Variants in MGLL observed in about 807,000 individuals in gnomAD.
MGLL encodes the protein lysophospholipase homolog.
Under a neutral mutation model 29.1 loss-of-function variants are expected in MGLL, and 7 were observed. The observed-to-expected ratio is 0.24, with a 90% CI of 0.14 to 0.45. MGLL has a LOEUF of 0.45. Among genes scored for constraint, MGLL ranks in the 20% least tolerant of loss-of-function variants. MGLL has a pLI of 0.99. For missense variants in MGLL, 356 were observed against 413.6 expected, an observed-to-expected ratio of 0.86 and a Z score of 1.21; for synonymous variants, 148 against 168.3, an observed-to-expected ratio of 0.88 and a Z score of 0.93.
chr3:127,689,741 T>C lies in MGLL; in HGVS notation c.*2457A>G, dbSNP rs1035947656. ...ATCGAGAAGGAACTCAACGCAAGGC[T>C]TCACAGCTTTCCAAGGACAGGGACC... On this transcript the variant is annotated 3_prime_UTR_variant, in exon 8 of 8. Transcript: ENST00000265052. 1.3e-5 allele frequency: 2 copies of C among 152,252 alleles called. No homozygotes were observed. Among genetic ancestry groups the C allele is most frequent in the Non-Finnish European group, 1.5e-5 (1 of 68,060 alleles). The allele number at this position is 152,252 out of a possible 1,614,324, so 9.4% of individuals were successfully genotyped here.
At chr3:127,715,746 T>C (rs1383259226) in intron 5 of MGLL, 2 of 456,540 alleles carry the variant, frequency 4.4e-6, no homozygotes, top group Non-Finnish European at 8.8e-6. Context: ...CGCACCCAGA[T>C]GGATCACATT....
chr3:127,777,233 TGAAAG>T (rs2077051979), intron 3 of MGLL, among the ~76,000 whole-genome samples: 1 of 151,986 alleles, frequency 6.6e-6, no homozygotes, highest in African/African-American at 2.4e-5. Context: ...ATGGGTGAGA[TGAAAG>T]GAAATCCTGT....
chr3:127,721,507 G>GTT (rs55892315), intron 4 of MGLL, among the ~76,000 whole-genome samples: 6,232 of 94,712 alleles, frequency 0.066, 215 homozygotes, highest in East Asian at 0.22. Context: ...TAATAGGAGG[G>GTT]TTTTTTTTTT....
chr3:127,726,194 G>GGA (rs2076040088), intron 3 of MGLL, among the ~76,000 whole-genome samples: 2 of 75,024 alleles, frequency 2.7e-5, no homozygotes, highest in African/African-American at 4.3e-5. Context: ...GAAAAGAAAA[G>GGA]AAAGAAAGAA....
chr3:127,822,505 G>T lies in MGLL; in HGVS notation c.-187C>A. The T allele has an allele frequency of 1.6e-6, 1 of 635,448 alleles. No individual in the cohort carries two copies. The highest frequency in any genetic ancestry group is 2.8e-6 in the Non-Finnish European group (1 of 357,156). The allele number at this position is 635,448 out of a possible 1,614,324, so 39.4% of individuals were successfully genotyped here. ...GGGAGCCTGCTTCCAGCTCCCACCG[G>T]CAGGCTCTCCGGGGCTCCCCTCCCT... On this transcript the variant is annotated 5_prime_UTR_variant, in exon 1 of 8. Transcript: ENST00000265052.
intron 2 of MGLL, among the ~76,000 whole-genome samples, chr3:127,801,917 T>C (rs1043561577): frequency 6.6e-6 from 1 of 151,950 alleles, no homozygotes; most frequent in Admixed American, 6.6e-5. Context: ...GAAGAACCCA[T>C]GCTTGTCACC....
intron 2 of MGLL, among the ~76,000 whole-genome samples, chr3:127,820,668 T>C (rs1384786172): frequency 2.6e-5 from 4 of 152,140 alleles, no homozygotes; most frequent in Non-Finnish European, 5.9e-5. Flanking sequence ...CTTCCTCTAA[T>C]GCGTATGCAC....
At chr3:127,725,152 C>G (rs1307544924) in intron 3 of MGLL, among the ~76,000 whole-genome samples, 1 of 152,144 alleles carries the variant, frequency 6.6e-6, no homozygotes, top group Non-Finnish European at 1.5e-5. Flanking sequence ...ACCCCATCCT[C>G]TTCCGAGATC....
chr3:127,757,618 T>C (rs1009238063), intron 3 of MGLL, among the ~76,000 whole-genome samples: 1 of 152,148 alleles, frequency 6.6e-6, no homozygotes, highest in Non-Finnish European at 1.5e-5. Context: ...CCAAGTGAAG[T>C]GACTACACCA....
At chr3:127,732,919 C>A (rs150906696) in intron 3 of MGLL, among the ~76,000 whole-genome samples, 81 of 152,214 alleles carry the variant, frequency 5.3e-4, no homozygotes, top group Middle Eastern at 3.4e-3. Flanking sequence ...GCTGTCTGAG[C>A]AGAGCTGGGA....
intron 3 of MGLL, among the ~76,000 whole-genome samples, chr3:127,745,440 T>G (rs564626922): frequency 6.6e-6 from 1 of 152,302 alleles, no homozygotes; most frequent in East Asian, 1.9e-4. Context: ...GTGAAATGAC[T>G]TAGGCACAGA....
At chr3:127,767,081 AC>A (rs1456828871) in intron 3 of MGLL, among the ~76,000 whole-genome samples, 40 of 108,110 alleles carry the variant, frequency 3.7e-4, no homozygotes, top group South Asian at 2.8e-3. Flanking sequence ...AAAAAAAAAA[AC>A]AAAAAAACAA....
At chr3:127,789,361 G>A (rs903541867) in intron 2 of MGLL, among the ~76,000 whole-genome samples, 4 of 152,208 alleles carry the variant, frequency 2.6e-5, no homozygotes, top group African/African-American at 9.6e-5. Context: ...GAACACAATG[G>A]GAATTAGACT....
At chr3:127,729,803 A>G (rs373599503) in intron 3 of MGLL, among the ~76,000 whole-genome samples, 1 of 152,176 alleles carries the variant, frequency 6.6e-6, no homozygotes, top group South Asian at 2.1e-4. Context: ...CTTGACACAC[A>G]TTACATGCAG....
chr3:127,727,704 TAAA>T (rs1177079179), intron 3 of MGLL, among the ~76,000 whole-genome samples: 113 of 80,704 alleles, frequency 1.4e-3, no homozygotes, highest in East Asian at 6.3e-3. Flanking sequence ...AGAGCAAGGC[TAAA>T]AAAAAAAAAA....
intron 3 of MGLL, among the ~76,000 whole-genome samples, chr3:127,743,024 G>A (rs757045359): frequency 3.3e-5 from 5 of 152,138 alleles, no homozygotes; most frequent in Admixed American, 6.5e-5. Flanking sequence ...CATGTTGGCC[G>A]AGCTGGTCTT....
In MGLL at chr3:127,822,326, T is replaced by C. The variant is rs541490461; in HGVS notation, c.-8A>G. ...TGACAAACCTGTTTCCATTATGTGC[T>C]GGCGTTTGCATTCCACAACCACGAC... On this transcript the variant is annotated 5_prime_UTR_variant, in exon 1 of 8. Transcript: ENST00000265052. 1 of 1,613,870 alleles carries C rather than the reference T, an allele frequency of 6.2e-7. No individual in the cohort carries two copies. Among genetic ancestry groups the C allele is most frequent in the Non-Finnish European group, 8.5e-7 (1 of 1,179,726 alleles).
chr3:127,710,508 GC>G, intron 6 of MGLL, 67 bp downstream of exon 6: 2 of 1,361,676 alleles, frequency 1.5e-6, no homozygotes, highest in South Asian at 2.5e-5. Context: ...CAAGGCTGGA[GC>G]CAAAACTCTG....
rs1253705575 is a variant in MGLL at position 127,691,149 on chromosome 3, G to C, written c.*1049C>G. On this transcript the variant is annotated 3_prime_UTR_variant, in exon 8 of 8. Transcript: ENST00000265052. ...GATCATAGCCCCATAGGGTGCCACTGCTCCATGGTCCCTGGTGGGCAGGAA... is the reference window on the plus strand; with the variant it reads ...GATCATAGCCCCATAGGGTGCCACTCCTCCATGGTCCCTGGTGGGCAGGAA... 1.3e-5 allele frequency: 2 copies of C among 152,686 alleles called. No homozygotes were observed. The highest frequency in any genetic ancestry group is 3.9e-4 in the East Asian group (2 of 5,168). The allele number at this position is 152,686 out of a possible 1,614,324, so 9.5% of individuals were successfully genotyped here.
Sources: gnomAD v4.1 joint callset for allele counts (sites outside exome capture counted in the v4.1 genomes callset) on GRCh38, gnomAD v4.1.1 for gene constraint, MANE v1.5 for transcripts, NCBI Gene and HGNC (gene_info 2026-07-23, HGNC 2026-07-21) for gene names.